The following ZNF296 variants were observed in gnomAD, a reference collection of about 807,000 sequenced individuals.
ZNF296 encodes zinc finger protein 296.
A neutral mutation model predicts 13.2 loss-of-function variants in ZNF296; 1 was observed. The ratio of observed to expected loss-of-function variants is 0.08; its 90% CI spans 0.03 to 0.36. ZNF296 has a LOEUF of 0.36. Among genes scored for constraint, ZNF296 ranks in the 10% least tolerant of loss-of-function variants. The pLI, the probability that ZNF296 is intolerant of heterozygous loss-of-function variation, is 0.99. For synonymous variants in ZNF296, 303 were observed against 289.0 expected, an observed-to-expected ratio of 1.05 and a Z score of -0.49; for missense variants, 555 against 688.2, an observed-to-expected ratio of 0.81 and a Z score of 2.16.
In ZNF296 at chr19:45,071,698, C is replaced by T. The variant is rs766953868; in HGVS notation, c.1331G>A (p.Arg444His). ...CACATGGCAGTGGGGGCACTCGAAG[C>T]GGGTGCTGCCAGGCGTCATGCCGTG... The part of the protein sequence containing the change: ...RMHGMTPGST[R>H]FECPHCHVPF... Residue 444 changes from arginine to histidine, a missense_variant, in exon 3 of 3, where the codon CGC (arginine) becomes CAC (histidine). Coordinates refer to ENST00000303809, the MANE Select transcript of ZNF296 (RefSeq NM_145288.3). The T allele has an allele frequency of 1.7e-5, 27 of 1,586,418 alleles. No homozygotes were observed. Among genetic ancestry groups the T allele is most frequent in the South Asian group, 1.0e-4 (9 of 86,460 alleles).
Position 45,072,154 on chromosome 19 carries a change from G to A in ZNF296, c.875C>T (p.Ala292Val), listed in dbSNP as rs1967268132. ...RQVPPQSPLM[A>V]DTSQEQASAA... ...AGAGGCCTGCTCCTGGCTGGTGTCG[G>A]CCATGAGGGGGCTCTGGGGCGGCAC... Residue 292 changes from alanine to valine, a missense_variant, in exon 3 of 3, where the codon GCC (alanine) becomes GTC (valine). By Grantham distance (64) the Ala-to-Val change is moderately conservative. This residue lies in a region of ZNF296 where 410 missense variants were observed against 548.0 expected (regional missense o/e 0.75). Transcript: ENST00000303809. The A allele has an allele frequency of 6.2e-7, 1 of 1,603,136 alleles. No homozygotes were observed. Among genetic ancestry groups the A allele is most frequent in the African/African-American group, 1.3e-5 (1 of 74,452 alleles).
At chr19:45,075,447 G>T (rs922054558) in intron 2 of ZNF296, among the ~76,000 whole-genome samples, 1 of 152,166 alleles carries the variant, frequency 6.6e-6, no homozygotes, top group Non-Finnish European at 1.5e-5. Context: ...GTGTTGGGGG[G>T]GGCAAAATCC....
In ZNF296 at chr19:45,076,425, CGG is replaced by C; in HGVS notation, c.-54_-53del. 8.3e-7 allele frequency: 1 copy of C among 1,200,882 alleles called. No homozygotes were observed. Among genetic ancestry groups the C allele is most frequent in the Non-Finnish European group, 1.0e-6 (1 of 962,004 alleles). 74.4% of individuals were successfully genotyped at this position (1,200,882 alleles called of 1,614,324 possible). On this transcript the variant is annotated 5_prime_UTR_variant, in exon 1 of 3. Transcript: ENST00000303809. This position sits in a 1 kb window ranked among gnomAD's most constrained non-coding sequence, Gnocchi z 4.9. ...GCGGGCAGGCAGGCAGGCGGGCGGG[CGG>C]AGGACGCACGAGCGGAGGACGCGCG...
Position 45,075,830 on chromosome 19 carries a change from G to T in ZNF296, c.331C>A (p.Leu111Met). 1 of 1,614,156 alleles carries T rather than the reference G, an allele frequency of 6.2e-7. No homozygotes were observed. Among genetic ancestry groups the T allele is most frequent in the Admixed American group, 1.7e-5 (1 of 60,022 alleles). ...TGCAGGCAGCGGCCGCAGGTCAACA[G>T]ATCTGGGTGTTTGTCGGTCCAGGGC... ...RQPWTDKHPDLLTCGRCLQTF... is the reference protein window; with the variant it reads ...RQPWTDKHPDMLTCGRCLQTF... Residue 111 changes from leucine to methionine, a missense_variant, in exon 2 of 3, where the codon CTG becomes ATG. This residue lies in a region of ZNF296 where 410 missense variants were observed against 548.0 expected (regional missense o/e 0.75). Coordinates refer to ENST00000303809, the MANE Select transcript of ZNF296 (RefSeq NM_145288.3).
intron 2 of ZNF296, among the ~76,000 whole-genome samples, chr19:45,073,393 C>T (rs1438056889): frequency 1.4e-5 from 2 of 140,052 alleles, no homozygotes; most frequent in African/African-American, 2.8e-5. Flanking sequence ...TTTTTTGAGA[C>T]GGAGCCTTGC....
chr19:45,075,995 G>A (rs906622980), intron 1 of ZNF296, 81 bp downstream of exon 1: 26 of 1,568,938 alleles, frequency 1.7e-5, no homozygotes, highest in East Asian at 2.3e-5. Flanking sequence ...AAGGCAGGGC[G>A]AGGGGCCCAT....
In ZNF296 at chr19:45,071,879, G is replaced by A. The variant is rs1380892494; in HGVS notation, c.1150C>T (p.Pro384Ser). 5 of 1,613,082 alleles carry A rather than the reference G, an allele frequency of 3.1e-6. No individual in the cohort carries two copies. The highest frequency in any genetic ancestry group is 1.3e-5 in the African/African-American group (1 of 74,936). Residue 384 changes from proline (P) to serine (S), a missense_variant, in exon 3 of 3, where the codon CCC becomes TCC. Around this residue, in one of 3 missense-constraint regions of ZNF296, gnomAD observed 410 missense variants for 548.0 expected, o/e 0.75. Coordinates refer to ENST00000303809, the MANE Select transcript of ZNF296 (RefSeq NM_145288.3). ...CCGCAGAACTCACAGCTGCCCCCGG[G>A]CCCGCGGCTCTTGCCCCCTGACTTG... ...MPKSGGKSRG[P>S]GGSCEFCGKH...
chr19:45,072,434 G>A lies in ZNF296; in HGVS notation c.595C>T (p.Leu199=). 6.2e-7 allele frequency: 1 copy of A among 1,612,802 alleles called. No homozygotes were observed. The highest frequency in any genetic ancestry group is 8.5e-7 in the Non-Finnish European group (1 of 1,179,820). ...GACACGGCTGCAGCCACCTCGGCCA[G>A]GCCCAGGAGCGGGGCCTCCGGGGCC... ...SEAPEAPLLG[L]AEVAAAVSAV... Residue 199 remains leucine, a synonymous_variant, in exon 3 of 3, where the codon CTG becomes TTG. Coordinates refer to ENST00000303809, the MANE Select transcript of ZNF296 (RefSeq NM_145288.3).
At position 45,072,545 on chromosome 19, in the gene ZNF296, A is replaced by G. The variant is rs1340494205; in HGVS notation, c.484T>C (p.Cys162Arg). ...EELKALSCLR[C>R]GKQFTVAWKL... Reference sequence around the variant, plus strand: ...CAGGCCACTGTGAACTGTTTGCCACAGCGCAGGCAGCTCAAGGCCTTCAGC... The same window carrying G: ...CAGGCCACTGTGAACTGTTTGCCACGGCGCAGGCAGCTCAAGGCCTTCAGC... The change falls in exon 3 of 3, where the codon TGT (cysteine) becomes CGT (arginine). Residue 162 changes from cysteine (C) to arginine (R), a missense_variant. Transcript: ENST00000303809. 6.2e-7 allele frequency: 1 copy of G among 1,611,268 alleles called. No homozygotes were observed. Among genetic ancestry groups the G allele is most frequent in the Non-Finnish European group, 8.5e-7 (1 of 1,178,572 alleles).
chr19:45,075,073 C>T (rs768932475), intron 2 of ZNF296, among the ~76,000 whole-genome samples: 18 of 152,188 alleles, frequency 1.2e-4, no homozygotes, highest in Non-Finnish European at 2.2e-4. Context: ...AAAAGCTCAC[C>T]GAGGGTCAAG....
At chr19:45,073,496 C>T (rs1185693867) in intron 2 of ZNF296, among the ~76,000 whole-genome samples, 4 of 150,518 alleles carry the variant, frequency 2.7e-5, no homozygotes, top group Admixed American at 6.6e-5. Context: ...TCAGCCACCA[C>T]GCCACAGGGT....
intron 2 of ZNF296, 137 bp from the exon 3 acceptor site, chr19:45,072,717 G>A (rs1229888775): frequency 2.5e-5 from 29 of 1,144,556 alleles, no homozygotes; most frequent in Admixed American, 2.3e-4. Context: ...GGAAGCTGAC[G>A]CTCAGAGGAG....
rs780653589 is a variant in ZNF296 at position 45,075,745 on chromosome 19, A to C, written c.416T>G (p.Leu139Arg). 2 of 1,613,986 alleles carry C rather than the reference A, an allele frequency of 1.2e-6. No homozygotes were observed. The highest frequency in any genetic ancestry group is 2.2e-5 in the South Asian group (2 of 91,074). The change falls in exon 2 of 3, where the codon CTC (leucine) becomes CGC (arginine). Residue 139 changes from leucine to arginine, a missense_variant. Transcript: ENST00000303809. ...FMDHKKLGCQ[L>R]FRGPSRGQGS... ...CTGGCCGCGGCTGGGGCCTCTGAAGAGCTGACAGCCCAGCTTCTTGTGGTC... is the reference window on the plus strand; with the variant it reads ...CTGGCCGCGGCTGGGGCCTCTGAAGCGCTGACAGCCCAGCTTCTTGTGGTC...
intron 2 of ZNF296, among the ~76,000 whole-genome samples, chr19:45,074,292 C>T (rs1245913966): frequency 1.3e-5 from 2 of 151,958 alleles, no homozygotes; most frequent in African/African-American, 2.4e-5. Context: ...ACCTGGGAGG[C>T]GGAGGTTGCA....
At chr19:45,074,276 A>C (rs57454146) in intron 2 of ZNF296, among the ~76,000 whole-genome samples, 1,559 of 146,018 alleles carry the variant, frequency 0.011, 27 homozygotes, top group African/African-American at 0.038. Context: ...CAGGAGAATC[A>C]CTTGAACCTG....
chr19:45,075,719 C>T lies in ZNF296; in HGVS notation c.442G>A (p.Gly148Ser), dbSNP rs764219904. 2 of 1,613,962 alleles carry T rather than the reference C, an allele frequency of 1.2e-6. No homozygotes were observed. The highest frequency in any genetic ancestry group is 2.2e-5 in the East Asian group (1 of 44,876). ...QLFRGPSRGQGSEREELKALS... is the reference protein window; with the variant it reads ...QLFRGPSRGQSSEREELKALS... ...TGCACCCGGCTTTACTCACCTGAGCCCTGGCCGCGGCTGGGGCCTCTGAAG... is the reference window on the plus strand; with the variant it reads ...TGCACCCGGCTTTACTCACCTGAGCTCTGGCCGCGGCTGGGGCCTCTGAAG... The change falls in exon 2 of 3, where the codon GGC becomes AGC. Residue 148 changes from glycine to serine, a missense_variant. Gly to Ser is a moderately conservative substitution (Grantham distance 56). Around this residue, in one of 3 missense-constraint regions of ZNF296, gnomAD observed 410 missense variants for 548.0 expected, o/e 0.75. Transcript: ENST00000303809.
rs1967340962 is a variant in ZNF296 at position 45,076,039 on chromosome 19, G to A, written c.298+37C>T. ...GGAAGGGTCCCACCCGAGGGTCAAA[G>A]GTAAGGGAGGCTGGGCCCAGGGCCC... On this transcript the variant is annotated intron_variant, in intron 1 of 2. Transcript: ENST00000303809. The surrounding 1 kb of genome is among the most constrained non-coding windows in gnomAD (Gnocchi z 4.9). 6.4e-7 allele frequency: 1 copy of A among 1,572,452 alleles called. No individual in the cohort carries two copies. The highest frequency in any genetic ancestry group is 8.6e-7 in the Non-Finnish European group (1 of 1,165,068).
rs1225665103 is a variant in ZNF296 at position 45,072,460 on chromosome 19, T to C, written c.569A>G (p.Glu190Gly). ...HGLSIYQTES[E>G]APEAPLLGLA... ...GCCCAGGAGCGGGGCCTCCGGGGCCTCTGATTCTGTCTGGTAGATGGACAG... is the reference window on the plus strand; with the variant it reads ...GCCCAGGAGCGGGGCCTCCGGGGCCCCTGATTCTGTCTGGTAGATGGACAG... The change falls in exon 3 of 3, where the codon GAG (glutamate) becomes GGG (glycine). Residue 190 changes from glutamate to glycine, a missense_variant. Physicochemically the swap from Glu to Gly is moderately conservative, Grantham distance 98 (BLOSUM62 -2). This residue lies in a region of ZNF296 where 410 missense variants were observed against 548.0 expected (regional missense o/e 0.75). Coordinates refer to ENST00000303809, the MANE Select transcript of ZNF296 (RefSeq NM_145288.3). 1 of 1,613,206 alleles carries C rather than the reference T, an allele frequency of 6.2e-7. No homozygotes were observed. Among genetic ancestry groups the C allele is most frequent in the Non-Finnish European group, 8.5e-7 (1 of 1,179,944 alleles).
chr19:45,075,143 G>C (rs1049388208), intron 2 of ZNF296, among the ~76,000 whole-genome samples: 6 of 152,202 alleles, frequency 3.9e-5, no homozygotes, highest in African/African-American at 1.4e-4. Context: ...CCAGCACCCG[G>C]GAGCTCGCTC....
Sources: gnomAD v4.1 joint callset for allele counts (sites outside exome capture counted in the v4.1 genomes callset) on GRCh38, gnomAD v4.1.1 for gene constraint, gnomAD v4.1.1 regional missense constraint, Gnocchi (gnomAD v3.1) non-coding constraint, MANE v1.5 for transcripts, NCBI Gene and HGNC (gene_info 2026-07-23, HGNC 2026-07-21) for gene names.